Variants in CACNG5 observed in about 807,000 individuals in gnomAD.
CACNG5 encodes the protein calcium voltage-gated channel auxiliary subunit gamma 5, also known as voltage-dependent calcium channel gamma-5 subunit.
CACNG5 carries 18 observed loss-of-function variants against 24.8 expected under a neutral mutation model. The observed-to-expected ratio is 0.73, with a 90% CI of 0.50 to 1.08. The LOEUF is 1.08. CACNG5 is among the 50% of genes least tolerant of loss of function. The pLI, the probability that CACNG5 is intolerant of heterozygous loss-of-function variation, is 0.00. For synonymous variants in CACNG5, 157 were observed against 149.1 expected, an observed-to-expected ratio of 1.05 and a Z score of -0.39; for missense variants, 349 against 367.9, an observed-to-expected ratio of 0.95 and a Z score of 0.42.
chr17:66,868,241 G>A (rs186586236), intron 1 of CACNG5, among the ~76,000 whole-genome samples: 46 of 152,276 alleles, frequency 3.0e-4, no homozygotes, highest in Admixed American at 2.9e-3. Flanking sequence ...GCCAAACCAA[G>A]GATGAGAAAG....
At position 66,877,450 on chromosome 17, in the gene CACNG5, G is replaced by A. The variant is rs369495372; in HGVS notation, c.118G>A (p.Val40Met). 2.5e-5 allele frequency: 40 copies of A among 1,613,972 alleles called. No homozygotes were observed. The highest frequency in any genetic ancestry group is 2.9e-5 in the Non-Finnish European group (34 of 1,180,018). The change falls in exon 2 of 6, where the codon GTG (valine) becomes ATG (methionine). Residue 40 changes from valine (V) to methionine (M), a missense_variant. Transcript: ENST00000533854. ...CTACTGGCTGTACCTGGAGGAGGGT[G>A]TGATTGTGCCCCAGAACCAGAGCAC... Reference protein sequence around the residue: ...TDYWLYLEEGVIVPQNQSTEI... With the variant: ...TDYWLYLEEGMIVPQNQSTEI...
rs74992194 is a variant in CACNG5 at position 66,887,486 on chromosome 17, C to T, written c.*2246C>T. On this transcript the variant is annotated 3_prime_UTR_variant, in exon 6 of 6. Coordinates refer to ENST00000533854, the MANE Select transcript of CACNG5 (RefSeq NM_145811.3). ...TACTGTTTACAGAATAATACCAAAA[C>T]CATGTTCTCCTCACCGCAAAGTAAA... 5.6e-3 allele frequency among the ~76,000 whole-genome samples: 848 copies of T among 152,302 alleles called. 54 individuals carry two copies. The East Asian group carries it at 0.12, about 21-fold the overall frequency.
In CACNG5 at chr17:66,885,266, T is replaced by G. The variant is rs1473543049; in HGVS notation, c.*26T>G. On this transcript the variant is annotated 3_prime_UTR_variant, in exon 6 of 6. Transcript: ENST00000533854. ...GCCTCGGCCGCCCCCATCCCTGGACTGTGGGTGGCCAGACAACCCTTCCTG... is the reference window on the plus strand; with the variant it reads ...GCCTCGGCCGCCCCCATCCCTGGACGGTGGGTGGCCAGACAACCCTTCCTG... 2 of 1,545,120 alleles carry G rather than the reference T, an allele frequency of 1.3e-6. No homozygotes were observed. The highest frequency in any genetic ancestry group is 2.2e-5 in the East Asian group (1 of 44,446).
At chr17:66,882,908 G>A (rs1398656354) in intron 4 of CACNG5, among the ~76,000 whole-genome samples, 1 of 151,992 alleles carries the variant, frequency 6.6e-6, no homozygotes, top group Non-Finnish European at 1.5e-5. Context: ...CAGAAAGTCT[G>A]ATGTCCAAGA....
In CACNG5 at chr17:66,880,653, G is replaced by A. The variant is rs142916987; in HGVS notation, c.380G>A (p.Arg127Gln). 3.9e-4 allele frequency: 633 copies of A among 1,614,198 alleles called. 3 individuals carry two copies. The highest frequency in any genetic ancestry group is 6.7e-4 in the East Asian group (30 of 44,882). The change falls in exon 4 of 6, where the codon CGG becomes CAG. Residue 127 changes from arginine to glutamine, a missense_variant. Transcript: ENST00000533854. ...LNNIGHIRPH[R>Q]TILAFVSGIF... ...AACATCGGACACATCCGTCCCCACC[G>A]GACGATACTGGCCTTTGTCTCTGGC...
chr17:66,856,004 C>T (rs76695322), intron 1 of CACNG5, among the ~76,000 whole-genome samples: 21 of 152,306 alleles, frequency 1.4e-4, no homozygotes, highest in African/African-American at 5.1e-4. Flanking sequence ...TTTAACATTA[C>T]CTTGCCACAT....
chr17:66,847,484 C>T (rs1054594337), intron 1 of CACNG5, among the ~76,000 whole-genome samples: 1 of 152,004 alleles, frequency 6.6e-6, no homozygotes, highest in Non-Finnish European at 1.5e-5. Flanking sequence ...GGGGAACTGC[C>T]CTTTATAAAA....
At chr17:66,862,364 G>C (rs1215287213) in intron 1 of CACNG5, among the ~76,000 whole-genome samples, 1 of 95,230 alleles carries the variant, frequency 1.1e-5, no homozygotes, top group African/African-American at 2.8e-5. Context: ...AATCCAGCTT[G>C]TGTCACTTAC....
chr17:66,839,932 G>A (rs1976542604), intron 1 of CACNG5, among the ~76,000 whole-genome samples: 1 of 152,190 alleles, frequency 6.6e-6, no homozygotes, highest in Non-Finnish European at 1.5e-5. Flanking sequence ...TTCAGGCAGC[G>A]CTGTTGGGGC....
intron 1 of CACNG5, among the ~76,000 whole-genome samples, chr17:66,876,997 G>GAATT (rs1256371197): frequency 6.6e-6 from 1 of 152,094 alleles, no homozygotes; most frequent in African/African-American, 2.4e-5. Flanking sequence ...ATGAATGAAT[G>GAATT]AATGAATGAA....
chr17:66,856,131 G>C (rs1343366720), intron 1 of CACNG5, among the ~76,000 whole-genome samples: 1 of 152,126 alleles, frequency 6.6e-6, no homozygotes, highest in East Asian at 1.9e-4. Flanking sequence ...CAACAACAGT[G>C]AATCAACATT....
rs1785460643 is a variant in CACNG5 at position 66,886,634 on chromosome 17, G to A, written c.*1394G>A. ...CCTTGCCCTCTTTAAGACGCCGCTAGGTTCTGAGAACAGAAAGCCATGGTG... is the reference window on the plus strand; with the variant it reads ...CCTTGCCCTCTTTAAGACGCCGCTAAGTTCTGAGAACAGAAAGCCATGGTG... On this transcript the variant is annotated 3_prime_UTR_variant, in exon 6 of 6. Coordinates refer to ENST00000533854, the MANE Select transcript of CACNG5 (RefSeq NM_145811.3). Among the ~76,000 whole-genome samples the A allele has an allele frequency of 6.6e-6, 1 of 152,188 alleles. No homozygotes were observed. Among genetic ancestry groups the A allele is most frequent in the South Asian group, 2.1e-4 (1 of 4,830 alleles).
Position 66,884,550 on chromosome 17 carries a change from C to T in CACNG5, c.459C>T (p.Ile153=), listed in dbSNP as rs1977218703. ...LSLVVGLVLY[I]SSINDEMLNR... ...TCGTGGTGGGCCTGGTGCTCTACAT[C>T]TCCAGCATCAACGATGAGATGCTCA... Residue 153 remains isoleucine (I), a synonymous_variant, in exon 5 of 6, where the codon ATC becomes ATT. Transcript: ENST00000533854. 1 of 1,613,848 alleles carries T rather than the reference C, an allele frequency of 6.2e-7. No homozygotes were observed. The highest frequency in any genetic ancestry group is 8.5e-7 in the Non-Finnish European group (1 of 1,179,844).
In CACNG5 at chr17:66,892,946, T is replaced by A. The variant is rs934462101; in HGVS notation, c.*7706T>A. ...CTCTTGCAAATGTCGATTCAGATAC[T>A]ACGACTTCAGCTTCAACCCCAGCAG... On this transcript the variant is annotated 3_prime_UTR_variant, in exon 6 of 6. Transcript: ENST00000533854. 1.3e-5 allele frequency among the ~76,000 whole-genome samples: 2 copies of A among 152,326 alleles called. No individual in the cohort carries two copies. The highest frequency in any genetic ancestry group is 1.3e-4 in the Admixed American group (2 of 15,304).
intron 1 of CACNG5, among the ~76,000 whole-genome samples, chr17:66,872,504 ATAT>A (rs1243744970): frequency 1.3e-5 from 2 of 152,226 alleles, no homozygotes; most frequent in Admixed American, 1.3e-4. Flanking sequence ...ATGAACTAAG[ATAT>A]TAATGATGAT....
chr17:66,848,914 G>A (rs919504536), intron 1 of CACNG5, among the ~76,000 whole-genome samples: 1 of 152,170 alleles, frequency 6.6e-6, no homozygotes, highest in African/African-American at 2.4e-5. Flanking sequence ...CACAGACGCT[G>A]AGAGGGGTGT....
At chr17:66,883,931 G>A (rs938020498) in intron 4 of CACNG5, among the ~76,000 whole-genome samples, 1 of 152,154 alleles carries the variant, frequency 6.6e-6, no homozygotes, top group South Asian at 2.1e-4. Context: ...TTAGGAGTTC[G>A]AGACCAACCT....
At position 66,886,762 on chromosome 17, in the gene CACNG5, C is replaced by T. The variant is rs1225039040; in HGVS notation, c.*1522C>T. Among the ~76,000 whole-genome samples the T allele has an allele frequency of 6.6e-6, 1 of 152,210 alleles. No homozygotes were observed. The highest frequency in any genetic ancestry group is 1.5e-5 in the Non-Finnish European group (1 of 68,044). ...GCAGCCGGGCTGCCGCAATGAACTACCACAGACTGAGTGGCTTAAATAACG... is the reference window on the plus strand; with the variant it reads ...GCAGCCGGGCTGCCGCAATGAACTATCACAGACTGAGTGGCTTAAATAACG... On this transcript the variant is annotated 3_prime_UTR_variant, in exon 6 of 6. Coordinates refer to ENST00000533854, the MANE Select transcript of CACNG5 (RefSeq NM_145811.3).
chr17:66,864,712 G>T (rs1272296292), intron 1 of CACNG5, among the ~76,000 whole-genome samples: 1 of 152,136 alleles, frequency 6.6e-6, no homozygotes, highest in African/African-American at 2.4e-5. Context: ...AGCATGAATA[G>T]CTGGTAGTTC....
Sources: gnomAD v4.1 joint callset for allele counts (sites outside exome capture counted in the v4.1 genomes callset) on GRCh38, gnomAD v4.1.1 for gene constraint, MANE v1.5 for transcripts, NCBI Gene and HGNC (gene_info 2026-07-23, HGNC 2026-07-21) for gene names.